Variants in ATP6V1C2 observed in about 807,000 individuals in gnomAD.
ATP6V1C2 encodes the protein V-type proton ATPase subunit C 2.
A neutral mutation model predicts 56.8 loss-of-function variants in ATP6V1C2; 45 were observed. The ratio of observed to expected loss-of-function variants is 0.79; its 90% confidence interval spans 0.62 to 1.02. The LOEUF (loss-of-function observed/expected upper bound fraction) is 1.02. Ranked by LOEUF, ATP6V1C2 falls within the 50% of genes least tolerant of loss-of-function variation. The pLI, the probability that ATP6V1C2 is intolerant of heterozygous loss-of-function variation, is 0.00. For missense variants in ATP6V1C2, 463 were observed against 519.7 expected, an observed-to-expected ratio of 0.89 and a Z score of 1.06; for synonymous variants, 220 against 201.3, an observed-to-expected ratio of 1.09 and a Z score of -0.79.
rs774818504 is a variant in ATP6V1C2, at chr2:10,774,951, G to A, written c.732-27G>A. The A allele has an allele frequency of 1.4e-5, 22 of 1,612,996 alleles. No individual in the cohort carries two copies. The East Asian group carries it at 4.5e-4, about 33-fold the overall frequency. ...CTGCCCCTCTGGAAAGCTTCTGAGT[G>A]AAAACCCATGATTTGCTTGTTTTAA... On this transcript the variant is annotated intron_variant, in intron 9 of 13. Transcript: ENST00000272238.
intron 4 of ATP6V1C2, among the ~76,000 whole-genome samples, chr2:10,758,871 G>A (rs1558408452): frequency 6.6e-6 from 1 of 152,136 alleles, no homozygotes; most frequent in Admixed American, 6.5e-5. Context: ...GTTTCACCTT[G>A]TTGTCCAGGA....
chr2:10,723,837 C>CAAAAA (rs145669254), intron 2 of ATP6V1C2, among the ~76,000 whole-genome samples: 1 of 122,934 alleles, frequency 8.1e-6, no homozygotes, highest in African/African-American at 3.2e-5. Context: ...GACTCTGTCT[C>CAAAAA]AAAAAAAAAA....
At chr2:10,757,003 C>CTTTTTTTT (rs57191070) in intron 4 of ATP6V1C2, among the ~76,000 whole-genome samples, 1 of 81,594 alleles carries the variant, frequency 1.2e-5, no homozygotes, top group Admixed American at 1.4e-4. Flanking sequence ...CATGAGGAGA[C>CTTTTTTTT]TTTTTTTTTT....
chr2:10,728,084 T>C (rs1661747347), intron 3 of ATP6V1C2, among the ~76,000 whole-genome samples: 2 of 152,150 alleles, frequency 1.3e-5, no homozygotes, highest in Non-Finnish European at 2.9e-5. Flanking sequence ...ATTTGTTTAC[T>C]TATTTGTGTT....
rs528541219 is a variant in ATP6V1C2, at chr2:10,746,027, C to T, written c.198-7954C>T. Among the ~76,000 whole-genome samples, 126 of 152,224 alleles carry T rather than the reference C, an allele frequency of 8.3e-4. 1 individual carries two copies. The highest frequency in any genetic ancestry group is 2.1e-4 in the South Asian group (1 of 4,814). On this transcript the variant is annotated intron_variant, in intron 3 of 13. Transcript: ENST00000272238. ...CTCAGCTATTGATGGATGCTTGGGTCGCTCCCACCTTTTGGTTATTTTTGT... is the reference window on the plus strand; with the variant it reads ...CTCAGCTATTGATGGATGCTTGGGTTGCTCCCACCTTTTGGTTATTTTTGT...
At chr2:10,752,272 TCTGC>T (rs1277930581) in intron 3 of ATP6V1C2, among the ~76,000 whole-genome samples, 1 of 152,188 alleles carries the variant, frequency 6.6e-6, no homozygotes, top group African/African-American at 2.4e-5. Flanking sequence ...AGTTGCTACC[TCTGC>T]CTCCTTCCTT....
Position 10,780,518 on chromosome 2 carries a change from C to G in ATP6V1C2, c.1062-1725C>G, listed in dbSNP as rs1427365502. 6.6e-6 allele frequency among the ~76,000 whole-genome samples: 1 copy of G among 152,206 alleles called. No individual in the cohort carries two copies. The highest frequency in any genetic ancestry group is 1.5e-5 in the Non-Finnish European group (1 of 68,032). On this transcript the variant is annotated intron_variant, in intron 12 of 13. Transcript: ENST00000272238. The surrounding 1 kb of genome is among the most constrained non-coding windows in gnomAD (Gnocchi z 4.1). Reference sequence around the variant, plus strand: ...CATGCGCACCTGTGCACGCCCATCTCAAAAGCCTGTACCGACACGGATGGC... The same window carrying G: ...CATGCGCACCTGTGCACGCCCATCTGAAAAGCCTGTACCGACACGGATGGC...
intron 3 of ATP6V1C2, among the ~76,000 whole-genome samples, chr2:10,751,944 C>CA (rs1663239240): frequency 6.6e-6 from 1 of 151,566 alleles, no homozygotes; most frequent in Non-Finnish European, 1.5e-5. Flanking sequence ...CTTGTCTCTA[C>CA]AAAAAAATTT....
In ATP6V1C2 at chr2:10,772,624, C is replaced by T; in HGVS notation, c.638+14C>T. The T allele has an allele frequency of 6.2e-7, 1 of 1,611,158 alleles. No homozygotes were observed. Among genetic ancestry groups the T allele is most frequent in the Non-Finnish European group, 8.5e-7 (1 of 1,177,296 alleles). ...TCGATCAACCAAGTAAGTGAGACCC[C>T]AGCTTGGTCCCAGGGCCCCTGGGGT... On this transcript the variant is annotated intron_variant, in intron 8 of 13. Coordinates refer to ENST00000272238, the MANE Select transcript of ATP6V1C2 (RefSeq NM_001039362.2).
At chr2:10,744,663 C>CTT (rs1662771899) in intron 3 of ATP6V1C2, among the ~76,000 whole-genome samples, 2 of 138,646 alleles carry the variant, frequency 1.4e-5, no homozygotes, top group Non-Finnish European at 3.1e-5. Context: ...TTTTTTTTCT[C>CTT]TTTTTCTTTT....
At chr2:10,776,734 C>A (rs1478687240) in intron 10 of ATP6V1C2, among the ~76,000 whole-genome samples, 2 of 152,174 alleles carry the variant, frequency 1.3e-5, no homozygotes, top group Admixed American at 6.5e-5. Flanking sequence ...GCCTTTGGCA[C>A]CCACCTGGGC....
chr2:10,760,941 G>T (rs1663872911), intron 4 of ATP6V1C2, among the ~76,000 whole-genome samples: 1 of 152,190 alleles, frequency 6.6e-6, no homozygotes, highest in Admixed American at 6.5e-5. Context: ...GCCGGCGGGG[G>T]TCTGTCAGTG....
chr2:10,757,964 C>T (rs900678068), intron 4 of ATP6V1C2, among the ~76,000 whole-genome samples: 1 of 152,192 alleles, frequency 6.6e-6, no homozygotes, highest in Admixed American at 6.6e-5. Flanking sequence ...TTGGATTTTC[C>T]CCAACCCGCT....
chr2:10,755,275 AT>A, intron 4 of ATP6V1C2, among the ~76,000 whole-genome samples: 1 of 150,036 alleles, frequency 6.7e-6, no homozygotes, highest in East Asian at 2.0e-4. Flanking sequence ...ACCTCAGGTG[AT>A]CCGCCCGCCC....
chr2:10,747,222 C>T (rs1390504164), intron 3 of ATP6V1C2, among the ~76,000 whole-genome samples: 1 of 151,242 alleles, frequency 6.6e-6, no homozygotes, highest in African/African-American at 2.4e-5. Flanking sequence ...GAGCCGAGAT[C>T]ACACCATTGC....
At chr2:10,721,468 G>C (rs548055517), upstream of ATP6V1C2, among the ~76,000 whole-genome samples, 1 of 152,136 alleles carries the variant, frequency 6.6e-6, no homozygotes, top group Non-Finnish European at 1.5e-5. Context: ...GACCCTGCGC[G>C]TCTCCTCCGC....
chr2:10,725,378 TAAAA>T lies in ATP6V1C2; in HGVS notation c.130-1121_130-1118del, dbSNP rs557381325. On this transcript the variant is annotated intron_variant, in intron 2 of 13. Coordinates refer to ENST00000272238, the MANE Select transcript of ATP6V1C2 (RefSeq NM_001039362.2). ...TGCAGTGAGCCGAGATCTCAAAAAA[TAAAA>T]AACAACAACAACAAAAAAAACAGAT... is the stretch of plus-strand genomic sequence containing the variant. Among the ~76,000 whole-genome samples the T allele has an allele frequency of 2.4e-4, 31 of 131,040 alleles. 1 individual carries two copies. The South Asian group carries it at 7.6e-3, about 32-fold the overall frequency. 86.0% of individuals were successfully genotyped at this position (131,040 alleles called of 152,430 possible). A position where few individuals can be genotyped will look rare whatever the true frequency, so the allele number is the denominator to read the frequency against.
rs541717372 is a variant in ATP6V1C2 at position 10,776,751 on chromosome 2, C to T, written c.826-834C>T. Among the ~76,000 whole-genome samples the T allele has an allele frequency of 2.6e-4, 39 of 152,274 alleles. 1 individual carries two copies. The South Asian group carries it at 8.1e-3, about 32-fold the overall frequency. On this transcript the variant is annotated intron_variant, in intron 10 of 13. Coordinates refer to ENST00000272238, the MANE Select transcript of ATP6V1C2 (RefSeq NM_001039362.2). ...CTTTGGCACCCACCTGGGCACTGGC[C>T]CAGGCCTGCCAGACCCCCGGGGAAC...
chr2:10,755,411 G>T (rs924714749), intron 4 of ATP6V1C2, among the ~76,000 whole-genome samples: 2 of 151,990 alleles, frequency 1.3e-5, no homozygotes, highest in Non-Finnish European at 2.9e-5. Context: ...TAAACTCCTG[G>T]GCTCAAGCGA....
Sources: allele counts gnomAD v4.1 joint callset (sites outside exome capture counted in the v4.1 genomes callset), GRCh38; gene constraint gnomAD v4.1.1; non-coding constraint Gnocchi (gnomAD v3.1); transcripts MANE v1.5; gene names NCBI Gene and HGNC (gene_info 2026-07-23, HGNC 2026-07-21).